Variants in TMEFF1 observed in about 807,000 individuals in gnomAD.
TMEFF1 encodes the protein transmembrane protein with EGF like and two follistatin like domains 1.
Under a neutral mutation model 47.5 loss-of-function variants are expected in TMEFF1, and 20 were observed. That is an observed-to-expected ratio of 0.42 (90% CI 0.30 to 0.61). The LOEUF (loss-of-function observed/expected upper bound fraction) is 0.61, where lower values mean the gene tolerates loss of function less well. Among genes scored for constraint, TMEFF1 ranks in the 20% least tolerant of loss-of-function variants. The pLI is 0.19. For missense variants in TMEFF1, 411 were observed against 471.1 expected, an observed-to-expected ratio of 0.87 and a Z score of 1.18; for synonymous variants, 162 against 166.3, an observed-to-expected ratio of 0.97 and a Z score of 0.20.
chr9:100,512,056 C>T (rs561091702), intron 3 of TMEFF1, among the ~76,000 whole-genome samples: 2 of 152,188 alleles, frequency 1.3e-5, no homozygotes, highest in East Asian at 1.9e-4. Flanking sequence ...TTTTATTCCT[C>T]GCATTTACCA....
At chr9:100,544,087 G>GATAT (rs35750255) in intron 5 of TMEFF1, among the ~76,000 whole-genome samples, 18,322 of 147,020 alleles carry the variant, frequency 0.12, 1,373 homozygotes, top group Non-Finnish European at 0.17. Context: ...CCTTCATGCT[G>GATAT]ATATATATAT....
At chr9:100,527,931 C>T (rs1838297835) in intron 5 of TMEFF1, among the ~76,000 whole-genome samples, 1 of 152,230 alleles carries the variant, frequency 6.6e-6, no homozygotes, top group Non-Finnish European at 1.5e-5. Flanking sequence ...GGCTCCCTGA[C>T]ACCTGACCCC....
chr9:100,527,326 T>C (rs1222493381), intron 5 of TMEFF1, among the ~76,000 whole-genome samples: 1 of 152,122 alleles, frequency 6.6e-6, no homozygotes, highest in Non-Finnish European at 1.5e-5. Context: ...CCATCTGAGG[T>C]ACCAGGTTCA....
In TMEFF1 at chr9:100,575,373, C is replaced by G. The variant is rs1432400083; in HGVS notation, c.1059-1143C>G. Among the ~76,000 whole-genome samples the G allele has an allele frequency of 2.0e-5, 3 of 152,206 alleles. No homozygotes were observed. The East Asian group carries it at 5.8e-4, about 29-fold the overall frequency. On this transcript the variant is annotated intron_variant, in intron 9 of 9. Transcript: ENST00000374879. The stretch of plus-strand genomic sequence containing the variant: ...TTGAACATCACCTTAACTAAACGCC[C>G]TGATTTTATGGATTTAAAAACCATG...
At chr9:100,499,324 G>T (rs538282270) in intron 2 of TMEFF1, among the ~76,000 whole-genome samples, 1 of 152,226 alleles carries the variant, frequency 6.6e-6, no homozygotes, top group East Asian at 1.9e-4. Context: ...GTTAGAGCTC[G>T]AATAGCAAGT....
chr9:100,530,378 A>T (rs909762168), intron 5 of TMEFF1, among the ~76,000 whole-genome samples: 3 of 152,084 alleles, frequency 2.0e-5, no homozygotes, highest in African/African-American at 7.2e-5. Flanking sequence ...AATCAAATAG[A>T]CGCAATAAAA....
chr9:100,521,577 A>T (rs541048370), intron 5 of TMEFF1, among the ~76,000 whole-genome samples: 2 of 152,278 alleles, frequency 1.3e-5, no homozygotes, highest in East Asian at 3.9e-4. Flanking sequence ...AGTATTTCTA[A>T]TCTGTCCAAG....
At position 100,477,612 on chromosome 9, in the gene TMEFF1, C is replaced by T. The variant is rs189749220; in HGVS notation, c.196+3872C>T. On this transcript the variant is annotated intron_variant, in intron 1 of 9. Coordinates refer to ENST00000374879, the MANE Select transcript of TMEFF1 (RefSeq NM_003692.5). Reference sequence around the variant, plus strand: ...ACCCACAGATGTTTTTCTGGATCTGCATTCCGCCTTTTTTTTTTTTTTTTT... The same window carrying T: ...ACCCACAGATGTTTTTCTGGATCTGTATTCCGCCTTTTTTTTTTTTTTTTT... 7.7e-4 allele frequency among the ~76,000 whole-genome samples: 114 copies of T among 148,030 alleles called. 1 individual carries two copies. The highest frequency in any genetic ancestry group is 2.7e-3 in the African/African-American group (108 of 40,334).
intron 5 of TMEFF1, among the ~76,000 whole-genome samples, chr9:100,530,781 C>A (rs1242530939): frequency 2.0e-5 from 3 of 151,646 alleles, no homozygotes; most frequent in South Asian, 2.1e-4. Context: ...GAGACACAAC[C>A]AAAAAAGAGA....
chr9:100,534,287 C>A (rs540457996), intron 5 of TMEFF1, among the ~76,000 whole-genome samples: 4 of 152,154 alleles, frequency 2.6e-5, no homozygotes, highest in African/African-American at 7.2e-5. Context: ...GGTCTCAGCC[C>A]CTCACTGGTT....
chr9:100,537,128 C>T (rs1287108097), intron 5 of TMEFF1, among the ~76,000 whole-genome samples: 1 of 152,166 alleles, frequency 6.6e-6, no homozygotes, highest in Non-Finnish European at 1.5e-5. Context: ...GCCATACCTA[C>T]AGAGTTGAGT....
intron 8 of TMEFF1, among the ~76,000 whole-genome samples, chr9:100,562,701 A>C (rs1839041309): frequency 1.3e-5 from 2 of 151,336 alleles, no homozygotes; most frequent in Non-Finnish European, 2.9e-5. Flanking sequence ...TGTCGCCCAG[A>C]CTGGAGTGCA....
At chr9:100,481,811 C>G (rs929998742) in intron 1 of TMEFF1, among the ~76,000 whole-genome samples, 2 of 152,016 alleles carry the variant, frequency 1.3e-5, no homozygotes, top group East Asian at 1.9e-4. Context: ...GAGACGGAGT[C>G]TAGCTCTGTC....
At chr9:100,540,191 C>G (rs1331449149) in intron 5 of TMEFF1, among the ~76,000 whole-genome samples, 1 of 151,848 alleles carries the variant, frequency 6.6e-6, no homozygotes, top group Non-Finnish European at 1.5e-5. Flanking sequence ...AGTCCCCACC[C>G]GATCTTTAGG....
At chr9:100,527,639 T>C (rs972113454) in intron 5 of TMEFF1, among the ~76,000 whole-genome samples, 16 of 152,194 alleles carry the variant, frequency 1.1e-4, no homozygotes, top group African/African-American at 3.9e-4. Flanking sequence ...GAGATCAAAC[T>C]GCAAGGCGGC....
chr9:100,522,809 A>G (rs1043640907), intron 5 of TMEFF1, among the ~76,000 whole-genome samples: 1 of 151,930 alleles, frequency 6.6e-6, no homozygotes. Flanking sequence ...ATCTCGGCTC[A>G]CTGCAAGCTC....
chr9:100,531,256 A>G (rs1385317468), intron 5 of TMEFF1, among the ~76,000 whole-genome samples: 41 of 152,106 alleles, frequency 2.7e-4, no homozygotes, highest in South Asian at 1.9e-3. Context: ...GCAGGAGAAG[A>G]AAATAAAGGG....
At chr9:100,525,716 C>T (rs1838242448) in intron 5 of TMEFF1, among the ~76,000 whole-genome samples, 1 of 152,106 alleles carries the variant, frequency 6.6e-6, no homozygotes, top group African/African-American at 2.4e-5. Context: ...AAGTTCTAAC[C>T]CTCTAATCAC....
At chr9:100,500,595 G>A (rs1350709505) in intron 2 of TMEFF1, among the ~76,000 whole-genome samples, 2 of 152,086 alleles carry the variant, frequency 1.3e-5, no homozygotes, top group African/African-American at 2.4e-5. Context: ...TTTACCTGCT[G>A]GGATTTCCTC....
Sources: gnomAD v4.1 joint callset for allele counts (sites outside exome capture counted in the v4.1 genomes callset) on GRCh38, gnomAD v4.1.1 for gene constraint, MANE v1.5 for transcripts, NCBI Gene and HGNC (gene_info 2026-07-23, HGNC 2026-07-21) for gene names.